Variants in PTPRT observed in about 807,000 individuals in gnomAD.
The protein encoded by PTPRT is protein tyrosine phosphatase receptor type T.
Under a neutral mutation model 176.8 loss-of-function variants are expected in PTPRT, and 56 were observed. That is an observed-to-expected ratio of 0.32 (90% CI 0.26 to 0.40). PTPRT has a LOEUF of 0.40. PTPRT is among the 10% of genes least tolerant of loss of function. PTPRT has a pLI of 1.00. For missense variants in PTPRT, 1,540 were observed against 1,908.2 expected (o/e 0.81, Z 3.60); for synonymous variants, 783 against 739.0 (o/e 1.06, Z -0.96).
chr20:42,107,636 A>C (rs1306839178), intron 23 of PTPRT, among the ~76,000 whole-genome samples: 2 of 152,232 alleles, frequency 1.3e-5, no homozygotes, highest in African/African-American at 4.8e-5. Flanking sequence ...AGTGCTGACC[A>C]AGAGGCACGT....
chr20:42,446,597 T>C (rs1485147143), intron 9 of PTPRT, among the ~76,000 whole-genome samples: 1 of 148,786 alleles, frequency 6.7e-6, no homozygotes. Context: ...TGTGTGTGTG[T>C]GTGTGTGTGT....
In PTPRT at chr20:42,413,815, C is replaced by T. The variant is rs74811477; in HGVS notation, c.1560+34405G>A. ...GAACTATCTTTGATATGTCACCTTC[C>T]TACCAGCCCAGAACCATCACTCTCC... is the stretch of plus-strand genomic sequence containing the variant. On this transcript the variant is annotated intron_variant, in intron 9 of 30. Coordinates refer to ENST00000373187, the MANE Select transcript of PTPRT (RefSeq NM_007050.6). Among the ~76,000 whole-genome samples the T allele has an allele frequency of 8.5e-5, 13 of 152,254 alleles. No individual in the cohort carries two copies. The East Asian group carries it at 2.5e-3, about 29-fold the overall frequency.
At chr20:43,078,194 C>A (rs188927293) in intron 1 of PTPRT, among the ~76,000 whole-genome samples, 2 of 152,300 alleles carry the variant, frequency 1.3e-5, no homozygotes, top group East Asian at 3.9e-4. Context: ...AATGAATGAA[C>A]AAGCAATAAT....
At chr20:42,234,643 T>C (rs1428475785) in intron 15 of PTPRT, among the ~76,000 whole-genome samples, 1 of 152,256 alleles carries the variant, frequency 6.6e-6, no homozygotes, top group African/African-American at 2.4e-5. Context: ...GGTGACGTTA[T>C]GCTAGTCTCT....
At chr20:42,111,697 G>C (rs1236757791) in intron 22 of PTPRT, among the ~76,000 whole-genome samples, 1 of 152,146 alleles carries the variant, frequency 6.6e-6, no homozygotes. Flanking sequence ...ATCTCCATTT[G>C]ATGGATCAGG....
chr20:42,860,536 T>TAC (rs1269728543), intron 2 of PTPRT, among the ~76,000 whole-genome samples: 2 of 152,224 alleles, frequency 1.3e-5, no homozygotes, highest in Admixed American at 1.3e-4. Context: ...TACCTCCGTT[T>TAC]ACTTATTTGT....
intron 23 of PTPRT, among the ~76,000 whole-genome samples, chr20:42,107,942 TTTGAATGAAGTCTGACTTAA>T (rs1482571888): frequency 2.0e-5 from 3 of 152,116 alleles, no homozygotes; most frequent in Non-Finnish European, 4.4e-5. Flanking sequence ...ACTTTCATGG[TTTGAATGAAGTCTGACTTAA>T]GTTTGCTTCA....
At chr20:42,346,706 G>GT (rs772763041) in intron 11 of PTPRT, among the ~76,000 whole-genome samples, 28 of 152,322 alleles carry the variant, frequency 1.8e-4, no homozygotes, top group Non-Finnish European at 2.9e-4. Flanking sequence ...CAGAGGAGCA[G>GT]TAAGTGGCAA....
intron 1 of PTPRT, among the ~76,000 whole-genome samples, chr20:42,925,899 C>G (rs1418598145): frequency 6.6e-6 from 1 of 152,228 alleles, no homozygotes. Context: ...CCTTCTGGTA[C>G]TGCACAGTCC....
intron 2 of PTPRT, among the ~76,000 whole-genome samples, chr20:42,849,819 C>T (rs1404384898): frequency 1.3e-5 from 2 of 152,174 alleles, no homozygotes; most frequent in African/African-American, 4.8e-5. Context: ...AATGTTAGCT[C>T]TTCACCCCTA....
At chr20:42,195,895 G>A (rs1444315039) in intron 16 of PTPRT, among the ~76,000 whole-genome samples, 1 of 152,066 alleles carries the variant, frequency 6.6e-6, no homozygotes, top group African/African-American at 2.4e-5. Flanking sequence ...GATTTCACTG[G>A]ATATTTCTCC....
At chr20:43,089,772 C>T (rs921521557) in intron 1 of PTPRT, among the ~76,000 whole-genome samples, 1 of 152,182 alleles carries the variant, frequency 6.6e-6, no homozygotes, top group Non-Finnish European at 1.5e-5. Flanking sequence ...TGGCCTCCCC[C>T]AGTCTACTCA....
chr20:42,799,246 G>A (rs1411845410), intron 2 of PTPRT, among the ~76,000 whole-genome samples: 2 of 151,954 alleles, frequency 1.3e-5, no homozygotes, highest in Non-Finnish European at 2.9e-5. Context: ...GCGAGGGAAG[G>A]GGTACTGAGC....
At position 42,614,937 on chromosome 20, in the gene PTPRT, A is replaced by AT. The variant is rs1190764802; in HGVS notation, c.1153+62928dup. 2.8e-3 allele frequency among the ~76,000 whole-genome samples: 348 copies of AT among 123,558 alleles called. 2 individuals are homozygous for AT. The highest frequency in any genetic ancestry group is 0.01 in the African/African-American group (316 of 30,460). The allele number at this position is 123,558 out of a possible 152,430, so 81.1% of individuals were successfully genotyped here. A position where few individuals can be genotyped will look rare whatever the true frequency, so the allele number is the denominator to read the frequency against. On this transcript the variant is annotated intron_variant, in intron 7 of 30. Transcript: ENST00000373187. ...TTGTTGTTTTCTTTTTTTTTTTTCT[A>AT]TTTTTTTTTTAATTATACTTTAAGT...
chr20:42,914,340 G>A (rs1978590651), intron 1 of PTPRT, among the ~76,000 whole-genome samples: 1 of 152,124 alleles, frequency 6.6e-6, no homozygotes, highest in Non-Finnish European at 1.5e-5. Context: ...TTAGTTGCCT[G>A]TGCTCAAATC....
At chr20:42,595,711 T>G (rs1466273060) in intron 7 of PTPRT, among the ~76,000 whole-genome samples, 1 of 152,152 alleles carries the variant, frequency 6.6e-6, no homozygotes, top group African/African-American at 2.4e-5. Context: ...GATAGAATCT[T>G]CCAGAGTTTA....
At chr20:42,788,389 T>C (rs1436031801) in intron 3 of PTPRT, among the ~76,000 whole-genome samples, 1 of 152,150 alleles carries the variant, frequency 6.6e-6, no homozygotes, top group Admixed American at 6.5e-5. Context: ...TTACTCTCTC[T>C]TTTTCTCTTT....
chr20:42,629,133 A>G (rs1569032094), intron 7 of PTPRT, among the ~76,000 whole-genome samples: 1 of 151,884 alleles, frequency 6.6e-6, no homozygotes, highest in Non-Finnish European at 1.5e-5. Flanking sequence ...TTACTTAGTA[A>G]GTAGCCAATT....
chr20:42,642,902 C>T (rs1401377616), intron 7 of PTPRT, among the ~76,000 whole-genome samples: 1 of 152,136 alleles, frequency 6.6e-6, no homozygotes, highest in Non-Finnish European at 1.5e-5. Context: ...CTTGTTTTGG[C>T]CAATGGGACA....
Sources: gnomAD v4.1 joint callset for allele counts (sites outside exome capture counted in the v4.1 genomes callset) on GRCh38, gnomAD v4.1.1 for gene constraint, MANE v1.5 for transcripts, NCBI Gene and HGNC (gene_info 2026-07-23, HGNC 2026-07-21) for gene names.